The following HERC5 variants were observed in gnomAD, a reference collection of about 807,000 sequenced individuals.
HERC5 encodes the protein E3 ISG15--protein ligase HERC5.
A neutral mutation model predicts 119.6 loss-of-function variants in HERC5; 99 were observed. The observed-to-expected ratio is 0.83, with a 90% CI of 0.70 to 0.98. HERC5 has a LOEUF of 0.98. Among genes scored for constraint, HERC5 ranks in the 50% least tolerant of loss-of-function variants. The pLI is 0.00. For missense variants in HERC5, 1,267 were observed against 1,241.3 expected (o/e 1.02, Z -0.31); for synonymous variants, 478 against 445.9 (o/e 1.07, Z -0.91).
chr4:88,492,912 G>C, intron 16 of HERC5, 100 bp from the exon 17 acceptor site: 1 of 1,146,332 alleles, frequency 8.7e-7, no homozygotes, highest in Non-Finnish European at 1.2e-6. Context: ...AAATACTTGG[G>C]TCCACAATTA....
At chr4:88,471,667 T>G (rs1332809087) in intron 10 of HERC5, among the ~76,000 whole-genome samples, 1 of 152,188 alleles carries the variant, frequency 6.6e-6, no homozygotes. Context: ...CTGCATGACC[T>G]TCCATTAGAA....
At chr4:88,503,677 T>G (rs1390005127) in intron 20 of HERC5, among the ~76,000 whole-genome samples, 2 of 152,208 alleles carry the variant, frequency 1.3e-5, no homozygotes, top group African/African-American at 4.8e-5. Context: ...TGGTTGATGT[T>G]TGCATAGTGT....
chr4:88,503,008 A>G (rs1578070663), intron 20 of HERC5, among the ~76,000 whole-genome samples: 1 of 152,006 alleles, frequency 6.6e-6, no homozygotes, highest in East Asian at 1.9e-4. Flanking sequence ...TGTAATTGTA[A>G]TGTAGTCTAC....
In HERC5 at chr4:88,467,201, C is replaced by T; in HGVS notation, c.1054C>T (p.Leu352Phe). 1 of 1,614,000 alleles carries T rather than the reference C, an allele frequency of 6.2e-7. No homozygotes were observed. The highest frequency in any genetic ancestry group is 1.7e-5 in the Admixed American group (1 of 60,002). ...AGTATCATCAAGTGAAGAACTCAAA[C>T]TTGGTAAATTCTATAGGAACATAGG... ...VKVSSSEELK[L>F]ESHTSEKELI... Residue 352 changes from leucine (L) to phenylalanine (F), a missense_variant, in exon 7 of 23, where the codon CTT (leucine) becomes TTT (phenylalanine). Leu to Phe is a conservative substitution (Grantham distance 22, BLOSUM62 0). Transcript: ENST00000264350.
At chr4:88,458,160 T>C (rs1396357927) in intron 1 of HERC5, 2 of 795,984 alleles carry the variant, frequency 2.5e-6, no homozygotes, top group African/African-American at 3.8e-5. Flanking sequence ...TGTTAAATCT[T>C]TTTCTTATTT....
At chr4:88,503,179 A>G (rs1741996486) in intron 20 of HERC5, among the ~76,000 whole-genome samples, 1 of 152,100 alleles carries the variant, frequency 6.6e-6, no homozygotes, top group African/African-American at 2.4e-5. Context: ...TTGATTTTTT[A>G]GTAAGATGCA....
Position 88,475,828 on chromosome 4 carries a change from T to C in HERC5, c.1393-13T>C, listed in dbSNP as rs769653111. On this transcript the variant is annotated splice_polypyrimidine_tract_variant and intron_variant, in intron 11 of 22. Transcript: ENST00000264350. ...GTTTTGAATCCCTTTTCCCTGTTCC[T>C]TTCTGACCACAGATAACCACCTGCC... is the stretch of plus-strand genomic sequence containing the variant. 6.2e-7 allele frequency: 1 copy of C among 1,612,960 alleles called. No individual in the cohort carries two copies. The highest frequency in any genetic ancestry group is 1.1e-5 in the South Asian group (1 of 90,952).
chr4:88,469,141 T>C lies in HERC5; in HGVS notation c.1135-16T>C. The C allele has an allele frequency of 3.9e-6, 6 of 1,546,886 alleles. No homozygotes were observed. The highest frequency in any genetic ancestry group is 5.4e-6 in the Non-Finnish European group (6 of 1,120,092). On this transcript the variant is annotated splice_polypyrimidine_tract_variant and intron_variant, in intron 8 of 22. Transcript: ENST00000264350. Reference sequence around the variant, plus strand: ...GTGTCTAAATTATTGTATTTTACTTTCCTGTTTGTTTACAGAATTCATATG... The same window carrying C: ...GTGTCTAAATTATTGTATTTTACTTCCCTGTTTGTTTACAGAATTCATATG...
rs755474468 is a variant in HERC5 at position 88,463,567 on chromosome 4, A to G, written c.724A>G (p.Asn242Asp). The change falls in exon 5 of 23, where the codon AAT becomes GAT. Residue 242 changes from asparagine to aspartate, a missense_variant. By Grantham distance (23) the Asn-to-Asp change is conservative. Transcript: ENST00000264350. ...TCCATCCCTTATTGAAGGACTAGAC[A>G]ATCAGAAAGTTGAATTTGTCGCTTG... ...DDPSLIEGLDNQKVEFVACGG... is the reference protein window; with the variant it reads ...DDPSLIEGLDDQKVEFVACGG... 6.2e-7 allele frequency: 1 copy of G among 1,613,984 alleles called. No homozygotes were observed. The highest frequency in any genetic ancestry group is 1.1e-5 in the South Asian group (1 of 91,076).
intron 12 of HERC5, among the ~76,000 whole-genome samples, chr4:88,478,620 T>C (rs575728911): frequency 6.6e-6 from 1 of 150,702 alleles, no homozygotes; most frequent in African/African-American, 2.4e-5. Context: ...AAAAAAATAT[T>C]TTTTTTTTTG....
Position 88,479,364 on chromosome 4 carries a change from G to T in HERC5, c.1594G>T (p.Ala532Ser). The change falls in exon 13 of 23, where the codon GCA becomes TCA. Residue 532 changes from alanine (A) to serine (S), a missense_variant. By Grantham distance (99) the Ala-to-Ser change is moderately conservative. Coordinates refer to ENST00000264350, the MANE Select transcript of HERC5 (RefSeq NM_016323.4). ...QSSLVLEEYW[A>S]TLQESTFSKL... Reference sequence around the variant, plus strand: ...CTTGTGTTCCTCAGAAGAGTATTGGGCAACTCTGCAAGAATCCACTTTCAG... The same window carrying T: ...CTTGTGTTCCTCAGAAGAGTATTGGTCAACTCTGCAAGAATCCACTTTCAG... 1 of 1,600,466 alleles carries T rather than the reference G, an allele frequency of 6.2e-7. No individual in the cohort carries two copies. Among genetic ancestry groups the T allele is most frequent in the Non-Finnish European group, 8.5e-7 (1 of 1,176,180 alleles).
intron 15 of HERC5, 94 bp from the exon 16 acceptor site, chr4:88,489,072 A>T: frequency 1.0e-6 from 1 of 966,076 alleles, no homozygotes; most frequent in Non-Finnish European, 1.6e-6. Context: ...ACCTGCACTT[A>T]TAAGCAGAAC....
At chr4:88,491,528 GA>G (rs1239320947) in intron 16 of HERC5, among the ~76,000 whole-genome samples, 3 of 152,174 alleles carry the variant, frequency 2.0e-5, no homozygotes, top group African/African-American at 7.2e-5. Context: ...CTTCATAGGA[GA>G]AAGCAAGGGA....
At chr4:88,463,390 TA>T in intron 4 of HERC5, 141 bp from the exon 5 acceptor site, 1 of 595,150 alleles carries the variant, frequency 1.7e-6, no homozygotes, top group Non-Finnish European at 3.0e-6. Flanking sequence ...AACTTGATCC[TA>T]AACATGGCAA....
chr4:88,493,055 A>G lies in HERC5; in HGVS notation c.2177A>G (p.Lys726Arg), dbSNP rs1470047839. The G allele has an allele frequency of 6.2e-7, 1 of 1,614,034 alleles. No homozygotes were observed. Among genetic ancestry groups the G allele is most frequent in the East Asian group, 2.2e-5 (1 of 44,866 alleles). The change falls in exon 17 of 23, where the codon AAG becomes AGG. Residue 726 changes from lysine (K) to arginine (R), a missense_variant. This residue lies in a region of HERC5 where 473 missense variants were observed against 445.7 expected (regional missense o/e 1.06). Transcript: ENST00000264350. The part of the protein sequence containing the change: ...GEIGYDLGGV[K>R]KEFFYCLFAE... ...ATTGGGTATGACCTCGGAGGAGTCA[A>G]GAAAGAGTTCTTCTACTGTCTGTTT...
At chr4:88,491,117 A>G (rs1301300067) in intron 16 of HERC5, among the ~76,000 whole-genome samples, 1 of 152,128 alleles carries the variant, frequency 6.6e-6, no homozygotes, top group Non-Finnish European at 1.5e-5. Flanking sequence ...CTGAGGTTTT[A>G]TGAGGTTGGG....
chr4:88,469,158 A>G lies in HERC5; in HGVS notation c.1136A>G (p.Asn379Ser), dbSNP rs1405293747. ...TTTTACTTTCCTGTTTGTTTACAGA[A>G]TTCATATGTTAATCTGAAGAGGACA... ...QSILLWIKKE[N>S]SYVNLKRTIP... is the part of the protein sequence containing the mutation. The change falls in exon 9 of 23, where the codon AAT becomes AGT. Residue 379 changes from asparagine to serine, a missense_variant and splice_region_variant. By Grantham distance (46) the Asn-to-Ser change is conservative. This residue lies in a region of HERC5 where 777 missense variants were observed against 758.0 expected (regional missense o/e 1.03). Transcript: ENST00000264350. 6.3e-7 allele frequency: 1 copy of G among 1,592,292 alleles called. No homozygotes were observed. The highest frequency in any genetic ancestry group is 1.1e-5 in the South Asian group (1 of 89,844).
At chr4:88,464,166 T>C (rs544493551) in intron 6 of HERC5, among the ~76,000 whole-genome samples, 181 bp downstream of exon 6, 45 of 149,640 alleles carry the variant, frequency 3.0e-4, no homozygotes, top group South Asian at 1.3e-3. Flanking sequence ...TTGTTTTCTT[T>C]GATTTTTTTT....
In HERC5 at chr4:88,457,230, T is replaced by C; in HGVS notation, c.-40T>C. The C allele has an allele frequency of 7.7e-7, 1 of 1,292,548 alleles. No homozygotes were observed. Among genetic ancestry groups the C allele is most frequent in the East Asian group, 3.1e-5 (1 of 31,776 alleles). The allele number at this position is 1,292,548 out of a possible 1,614,324, so 80.1% of individuals were successfully genotyped here. A position where few individuals can be genotyped will look rare whatever the true frequency, so the allele number is the denominator to read the frequency against. On this transcript the variant is annotated 5_prime_UTR_variant, in exon 1 of 23. Coordinates refer to ENST00000264350, the MANE Select transcript of HERC5 (RefSeq NM_016323.4). ...CGCTCAGTCCCGGGACCAGGCGTTC[T>C]CTCCTCTCGCCTCTGGGCCTGGGAC...
Sources: gnomAD v4.1 joint callset for allele counts (sites outside exome capture counted in the v4.1 genomes callset) on GRCh38, gnomAD v4.1.1 for gene constraint, gnomAD v4.1.1 regional missense constraint, MANE v1.5 for transcripts, NCBI Gene and HGNC (gene_info 2026-07-23, HGNC 2026-07-21) for gene names.